Variants in PHACTR1 observed in about 807,000 individuals in gnomAD.
PHACTR1 encodes the protein phosphatase and actin regulator 1.
In PHACTR1, 16 loss-of-function variants were observed where a neutral mutation model predicts 69.2. That is an observed-to-expected ratio of 0.23 (90% CI 0.16 to 0.35). The LOEUF (loss-of-function observed/expected upper bound fraction) is 0.35. Ranked by LOEUF, PHACTR1 falls within the 10% of genes least tolerant of loss-of-function variation. The pLI is 1.00. For missense variants in PHACTR1, 510 were observed against 734.7 expected (o/e 0.69, Z 3.54); for synonymous variants, 312 against 284.5 (o/e 1.10, Z -0.97).
Position 12,836,562 on chromosome 6 carries a change from A to G in PHACTR1, c.250+86772A>G, listed in dbSNP as rs544585160. ...GACATCTTCAAGTACTAATCAGACT[A>G]TCATTGAAACTGTCCCTGTAAACTT... On this transcript the variant is annotated intron_variant, in intron 4 of 14. Coordinates refer to ENST00000332995, the MANE Select transcript of PHACTR1 (RefSeq NM_030948.6). 3.9e-5 allele frequency among the ~76,000 whole-genome samples: 6 copies of G among 152,302 alleles called. No homozygotes were observed. In the South Asian group the frequency reaches 1.0e-3, roughly 26 times the overall value.
rs1233372880 is a variant in PHACTR1 at position 13,179,806 on chromosome 6, A to G, written c.497-2713A>G. On this transcript the variant is annotated intron_variant, in intron 6 of 14. Transcript: ENST00000332995. The surrounding 1 kb of genome is among the most constrained non-coding windows in gnomAD (Gnocchi z 4.2). ...AATTGCCAAAAGCTAAAATATGTGT[A>G]TGGTCTGTACATTTCTTCTAATTGT... Among the ~76,000 whole-genome samples, 2 of 152,182 alleles carry G rather than the reference A, an allele frequency of 1.3e-5. No homozygotes were observed. The highest frequency in any genetic ancestry group is 4.8e-5 in the African/African-American group (2 of 41,448).
In PHACTR1 at chr6:13,096,345, T is replaced by G. The variant is rs547397477; in HGVS notation, c.415+42816T>G. ...GTACAAGAGAAATTCCTTCTCTGATTAGAGATTAAACCAATGCTTCAGATC... is the reference window on the plus strand; with the variant it reads ...GTACAAGAGAAATTCCTTCTCTGATGAGAGATTAAACCAATGCTTCAGATC... On this transcript the variant is annotated intron_variant, in intron 5 of 14. Coordinates refer to ENST00000332995, the MANE Select transcript of PHACTR1 (RefSeq NM_030948.6). Among the ~76,000 whole-genome samples the G allele has an allele frequency of 7.9e-5, 12 of 152,286 alleles. No homozygotes were observed. In the South Asian group the frequency reaches 2.5e-3, roughly 32 times the overall value.
chr6:13,181,214 A>G (rs996506218), intron 6 of PHACTR1, among the ~76,000 whole-genome samples: 1 of 152,112 alleles, frequency 6.6e-6, no homozygotes, highest in South Asian at 2.1e-4. Context: ...GGGTGGGCCA[A>G]GGAGGGATTC....
At position 13,216,450 on chromosome 6, in the gene PHACTR1, C is replaced by G. The variant is rs1334475478; in HGVS notation, c.986+10314C>G. 2.6e-5 allele frequency among the ~76,000 whole-genome samples: 4 copies of G among 152,204 alleles called. No homozygotes were observed. In the East Asian group the frequency reaches 5.8e-4, roughly 22 times the overall value. ...AATCAGTGCCTCAGCAAGAATGAAACTCTGAACACCTAGGTGTTGTTTGCT... is the reference window on the plus strand; with the variant it reads ...AATCAGTGCCTCAGCAAGAATGAAAGTCTGAACACCTAGGTGTTGTTTGCT... On this transcript the variant is annotated intron_variant, in intron 8 of 14. Transcript: ENST00000332995.
intron 7 of PHACTR1, among the ~76,000 whole-genome samples, chr6:13,195,816 G>A (rs978058476): frequency 6.9e-6 from 1 of 145,852 alleles, no homozygotes; most frequent in Non-Finnish European, 1.5e-5. Flanking sequence ...GGTTAGAGGT[G>A]TATTTATTTA....
At chr6:13,097,941 G>A (rs1018447231) in intron 5 of PHACTR1, among the ~76,000 whole-genome samples, 7 of 152,080 alleles carry the variant, frequency 4.6e-5, no homozygotes, top group Admixed American at 2.0e-4. Flanking sequence ...TGTTACAATA[G>A]AAGAAATGTC....
In PHACTR1 at chr6:13,172,676, G is replaced by C. The variant is rs115500633; in HGVS notation, c.497-9843G>C. Among the ~76,000 whole-genome samples the C allele has an allele frequency of 2.6e-3, 401 of 152,298 alleles. 3 individuals carry two copies. The highest frequency in any genetic ancestry group is 9.2e-3 in the African/African-American group (384 of 41,574). On this transcript the variant is annotated intron_variant, in intron 6 of 14. Coordinates refer to ENST00000332995, the MANE Select transcript of PHACTR1 (RefSeq NM_030948.6). Reference sequence around the variant, plus strand: ...CACCTATTTAATGTTTTAGGCAAAGGCTTCTCAGCAAGAAGGAGAAGCCTA... The same window carrying C: ...CACCTATTTAATGTTTTAGGCAAAGCCTTCTCAGCAAGAAGGAGAAGCCTA...
chr6:12,847,825 A>G (rs1779436745), intron 4 of PHACTR1, among the ~76,000 whole-genome samples: 1 of 152,182 alleles, frequency 6.6e-6, no homozygotes, highest in Non-Finnish European at 1.5e-5. Flanking sequence ...TCCAAAATTA[A>G]TTTTAAAAAA....
intron 10 of PHACTR1, among the ~76,000 whole-genome samples, chr6:13,253,245 T>C (rs1280801426): frequency 2.0e-5 from 3 of 152,212 alleles, no homozygotes; most frequent in African/African-American, 7.2e-5. Flanking sequence ...AATCCACGTG[T>C]TGCAGTCAGA....
At chr6:13,121,750 G>A (rs1818769923) in intron 5 of PHACTR1, among the ~76,000 whole-genome samples, 1 of 152,164 alleles carries the variant, frequency 6.6e-6, no homozygotes, top group Admixed American at 6.5e-5. Flanking sequence ...ACACATCGAT[G>A]TCTCTTTCAA....
chr6:13,130,774 A>G (rs1820285083), intron 5 of PHACTR1, among the ~76,000 whole-genome samples: 1 of 152,198 alleles, frequency 6.6e-6, no homozygotes, highest in Admixed American at 6.5e-5. Context: ...TCCAAAAGAT[A>G]GAGAAAGAGG....
At position 12,908,185 on chromosome 6, in the gene PHACTR1, A is replaced by T. The variant is rs116249796; in HGVS notation, c.251-145180A>T. ...CAAGAATCGCACCTGGGCCTGGTAG[A>T]ACAAGCCCAAATCCTTTCTCATAGG... On this transcript the variant is annotated intron_variant, in intron 4 of 14. Transcript: ENST00000332995. 8.5e-3 allele frequency among the ~76,000 whole-genome samples: 1,298 copies of T among 152,324 alleles called. 24 individuals carry two copies. The highest frequency in any genetic ancestry group is 0.028 in the African/African-American group (1,181 of 41,564).
intron 5 of PHACTR1, among the ~76,000 whole-genome samples, chr6:13,108,444 C>G (rs1056424764): frequency 6.6e-6 from 1 of 152,046 alleles, no homozygotes; most frequent in African/African-American, 2.4e-5. Context: ...TCTTTGTCTA[C>G]TTTCCTAGAA....
chr6:12,753,957 TATA>T (rs1561851119), intron 4 of PHACTR1, among the ~76,000 whole-genome samples: 4 of 103,016 alleles, frequency 3.9e-5, no homozygotes, highest in African/African-American at 1.3e-4. Context: ...TATATATATA[TATA>T]TATATATATA....
rs148646648 is a variant in PHACTR1 at position 12,791,557 on chromosome 6, G to A, written c.250+41767G>A. ...CCCTAGCAAAGGACAGAGAAATGAGGCAGAAATGATGCGTGGTGAAATGCA... is the reference window on the plus strand; with the variant it reads ...CCCTAGCAAAGGACAGAGAAATGAGACAGAAATGATGCGTGGTGAAATGCA... On this transcript the variant is annotated intron_variant, in intron 4 of 14. Transcript: ENST00000332995. Among the ~76,000 whole-genome samples the A allele has an allele frequency of 1.5e-3, 222 of 152,314 alleles. 1 individual carries two copies. Among genetic ancestry groups the A allele is most frequent in the African/African-American group, 5.2e-3 (217 of 41,566 alleles).
At chr6:13,269,540 A>G (rs1777324452) in intron 10 of PHACTR1, among the ~76,000 whole-genome samples, 1 of 152,206 alleles carries the variant, frequency 6.6e-6, no homozygotes, top group South Asian at 2.1e-4. Flanking sequence ...AAGAGAAAAA[A>G]CAAACTTTGA....
rs542499767 is a variant in PHACTR1, at chr6:12,807,528, CAG to C, written c.250+57740_250+57741del. Among the ~76,000 whole-genome samples the C allele has an allele frequency of 3.3e-4, 51 of 152,240 alleles. No homozygotes were observed. The South Asian group carries it at 9.7e-3, about 29-fold the overall frequency. ...TGAGAAAGATAGGGCAGAGAGTAGA[CAG>C]AAGGATCCTGCTGATCAGTGCTTAT... is the stretch of plus-strand genomic sequence containing the variant. On this transcript the variant is annotated intron_variant, in intron 4 of 14. Coordinates refer to ENST00000332995, the MANE Select transcript of PHACTR1 (RefSeq NM_030948.6).
intron 4 of PHACTR1, among the ~76,000 whole-genome samples, chr6:12,910,914 C>T (rs185059840): frequency 8.5e-5 from 13 of 152,238 alleles, no homozygotes; most frequent in Admixed American, 6.5e-4. Context: ...AGAACTGTGG[C>T]GCATGGTGTC....
chr6:12,985,506 A>G (rs1355548218), intron 4 of PHACTR1, among the ~76,000 whole-genome samples: 1 of 143,428 alleles, frequency 7.0e-6, no homozygotes, highest in Non-Finnish European at 1.5e-5. Flanking sequence ...ACATCATCAG[A>G]AGTTTGTAAA....
Sources: allele counts gnomAD v4.1 joint callset (sites outside exome capture counted in the v4.1 genomes callset), GRCh38; gene constraint gnomAD v4.1.1; non-coding constraint Gnocchi (gnomAD v3.1); transcripts MANE v1.5; gene names NCBI Gene and HGNC (gene_info 2026-07-23, HGNC 2026-07-21).